Variants in MLC1 observed in about 807,000 individuals in gnomAD.
MLC1 encodes modulator of VRAC current 1.
Under a neutral mutation model 44.7 loss-of-function variants are expected in MLC1, and 32 were observed. That is an observed-to-expected ratio of 0.72 (90% CI 0.54 to 0.96). MLC1 has a LOEUF of 0.96. Among genes scored for constraint, MLC1 ranks in the 40% least tolerant of loss-of-function variants. The pLI is 0.00. For synonymous variants in MLC1, 190 were observed against 213.0 expected (o/e 0.89, Z 0.94); for missense variants, 459 against 492.2 (o/e 0.93, Z 0.64).
In MLC1 at chr22:50,079,009, C is replaced by T. The variant is rs76250491; in HGVS notation, c.423+909G>A. ...TAATAAAGAAGCGTCACAGGCCGGGCGCGGTGGCTCATACCTGTAATCCCA... is the reference window on the plus strand; with the variant it reads ...TAATAAAGAAGCGTCACAGGCCGGGTGCGGTGGCTCATACCTGTAATCCCA... On this transcript the variant is annotated intron_variant, in intron 5 of 11. Coordinates refer to ENST00000311597, the MANE Select transcript of MLC1 (RefSeq NM_015166.4). Among the ~76,000 whole-genome samples the T allele has an allele frequency of 7.0e-3, 1,066 of 151,862 alleles. 13 individuals are homozygous for T. Among genetic ancestry groups the T allele is most frequent in the African/African-American group, 0.024 (982 of 41,420 alleles).
chr22:50,069,364 T>C (rs993179262), intron 9 of MLC1, among the ~76,000 whole-genome samples: 4 of 151,762 alleles, frequency 2.6e-5, no homozygotes, highest in African/African-American at 9.7e-5. Flanking sequence ...ATACTTACCA[T>C]CTAGGCAAGG....
rs1247310057 is a variant in MLC1, at chr22:50,083,171, G to A, written c.180C>T (p.Ser60=). ...KTWVFSVLMG[S]CLLVTSGFSL... ...AAAACCCCGAGGTCACCAGGAGGCA[G>A]CTCTGCAAGACAGCGACAGAATCCC... Residue 60 remains serine (S), a splice_region_variant and synonymous_variant, in exon 3 of 12, where the codon AGC becomes AGT. Transcript: ENST00000311597. This position sits in a 1 kb window ranked among gnomAD's most constrained non-coding sequence, Gnocchi z 4.6. The A allele has an allele frequency of 6.2e-7, 1 of 1,613,924 alleles. No homozygotes were observed. Among genetic ancestry groups the A allele is most frequent in the Non-Finnish European group, 8.5e-7 (1 of 1,179,868 alleles).
intron 5 of MLC1, among the ~76,000 whole-genome samples, chr22:50,078,358 C>T (rs1430009578): frequency 6.6e-6 from 1 of 152,050 alleles, no homozygotes; most frequent in Admixed American, 6.6e-5. Flanking sequence ...AACAGAGCCT[C>T]GAAATATATG....
intron 11 of MLC1, among the ~76,000 whole-genome samples, chr22:50,063,684 A>C (rs1438686918): frequency 1.6e-4 from 14 of 87,678 alleles, no homozygotes; most frequent in South Asian, 1.3e-3. Context: ...CACCCCTGAA[A>C]CCCACAGGCC....
chr22:50,063,670 C>G (rs1191311384), intron 11 of MLC1, among the ~76,000 whole-genome samples: 1 of 150,692 alleles, frequency 6.6e-6, no homozygotes, highest in African/African-American at 2.4e-5. Context: ...ACTCACCTCC[C>G]CAGCACCCCT....
chr22:50,083,208 C>A lies in MLC1; in HGVS notation c.178-35G>T. 6.3e-7 allele frequency: 1 copy of A among 1,576,892 alleles called. No individual in the cohort carries two copies. The highest frequency in any genetic ancestry group is 8.7e-7 in the Non-Finnish European group (1 of 1,146,482). The stretch of plus-strand genomic sequence containing the variant: ...AGCGACAGAATCCCAGGTTACAACG[C>A]GCCCCGTCCCCAGGCTGGACCCTGA... On this transcript the variant is annotated intron_variant, in intron 2 of 11. Coordinates refer to ENST00000311597, the MANE Select transcript of MLC1 (RefSeq NM_015166.4). The surrounding 1 kb of genome is among the most constrained non-coding windows in gnomAD (Gnocchi z 4.6).
chr22:50,074,530 C>T (rs1044920955), intron 7 of MLC1, 198 bp from the exon 8 acceptor site: 11 of 616,208 alleles, frequency 1.8e-5, no homozygotes, highest in Non-Finnish European at 2.6e-5. Context: ...CGGCTTTTCA[C>T]GTCCCTCCTG....
At chr22:50,066,463 C>T (rs1213336343) in intron 10 of MLC1, among the ~76,000 whole-genome samples, 1 of 152,202 alleles carries the variant, frequency 6.6e-6, no homozygotes, top group African/African-American at 2.4e-5. Flanking sequence ...AGTTCAAGAC[C>T]AGCCTGGCCA....
chr22:50,076,076 C>T lies in MLC1; in HGVS notation c.597+765G>A, dbSNP rs185057413. On this transcript the variant is annotated intron_variant, in intron 7 of 11. Coordinates refer to ENST00000311597, the MANE Select transcript of MLC1 (RefSeq NM_015166.4). ...AGGGAAGGAGGGAAAAAGGCAAAAT[C>T]AGGGAAAATGGAAAACTCAAAAGAT... Among the ~76,000 whole-genome samples, 195 of 152,194 alleles carry T rather than the reference C, an allele frequency of 1.3e-3. 1 individual carries two copies. The highest frequency in any genetic ancestry group is 0.01 in the Middle Eastern group (3 of 294).
intron 11 of MLC1, among the ~76,000 whole-genome samples, chr22:50,063,491 GAAAA>G: frequency 7.3e-6 from 1 of 137,900 alleles, no homozygotes; most frequent in Non-Finnish European, 1.6e-5. Context: ...AAAAAAAAAA[GAAAA>G]GAAAGACATT....
intron 7 of MLC1, among the ~76,000 whole-genome samples, chr22:50,074,959 G>A (rs113211226): frequency 2.0e-5 from 3 of 152,246 alleles, no homozygotes; most frequent in Non-Finnish European, 2.9e-5. Flanking sequence ...GGCACCTGCC[G>A]GTTGGAGAGC....
rs281875312 is a variant in MLC1, at chr22:50,070,565, C to G, written c.733G>C (p.Ala245Pro). The G allele has an allele frequency of 6.4e-7, 1 of 1,565,248 alleles. No homozygotes were observed. The highest frequency in any genetic ancestry group is 8.7e-7 in the Non-Finnish European group (1 of 1,154,054). The stretch of plus-strand genomic sequence containing the variant: ...GGACACTCTGCTGCCACATGACTGG[C>G]AATGGCACTTGGAAAGCACTAAGAG... ...ILVACFPSAI[A>P]SHVAAECPSK... is the part of the protein sequence containing the mutation. The change falls in exon 9 of 12, where the codon GCC (alanine) becomes CCC (proline). Residue 245 changes from alanine to proline, a missense_variant. Physicochemically the swap from Ala to Pro is conservative, Grantham distance 27. Coordinates refer to ENST00000311597, the MANE Select transcript of MLC1 (RefSeq NM_015166.4).
chr22:50,083,252 A>G lies in MLC1; in HGVS notation c.178-79T>C, dbSNP rs1257026403. 3.0e-6 allele frequency: 4 copies of G among 1,312,566 alleles called. No homozygotes were observed. The Admixed American group carries it at 5.2e-5, about 17-fold the overall frequency. 81.3% of individuals were successfully genotyped at this position (1,312,566 alleles called of 1,614,324 possible). On this transcript the variant is annotated intron_variant, in intron 2 of 11. Coordinates refer to ENST00000311597, the MANE Select transcript of MLC1 (RefSeq NM_015166.4). The surrounding 1 kb of genome is among the most constrained non-coding windows in gnomAD (Gnocchi z 4.6). ...ACCCTGACCCTTCAACTTCTGCTTC[A>G]CTGTCTGTGTATTGGTGACTCACCC...
At position 50,068,729 on chromosome 22, in the gene MLC1, T is replaced by C. The variant is rs374655164; in HGVS notation, c.772-174A>G. On this transcript the variant is annotated intron_variant, in intron 9 of 11. Transcript: ENST00000311597. ...TGCCTTTTCTTTTTTCTTTTTCTTTTTTTTTTTTTTTTTTTTTGAGACAAG... is the reference window on the plus strand; with the variant it reads ...TGCCTTTTCTTTTTTCTTTTTCTTTCTTTTTTTTTTTTTTTTTGAGACAAG... Among the ~76,000 whole-genome samples, 401 of 114,356 alleles carry C rather than the reference T, an allele frequency of 3.5e-3. 4 individuals are homozygous for C. The highest frequency in any genetic ancestry group is 0.012 in the African/African-American group (352 of 30,382). The allele number at this position is 114,356 out of a possible 152,430, so 75.0% of individuals were successfully genotyped here.
Position 50,059,984 on chromosome 22 carries a change from C to T in MLC1, c.*1599G>A, listed in dbSNP as rs2146727527. 1 of 152,430 alleles carries T rather than the reference C, an allele frequency of 6.6e-6. No homozygotes were observed. Among genetic ancestry groups the T allele is most frequent in the African/African-American group, 2.4e-5 (1 of 41,578 alleles). 9.4% of individuals were successfully genotyped at this position (152,430 alleles called of 1,614,324 possible). A position where few individuals can be genotyped will look rare whatever the true frequency, so the allele number is the denominator to read the frequency against. On this transcript the variant is annotated 3_prime_UTR_variant, in exon 12 of 12. Transcript: ENST00000311597. ...GCAGTGGGAAACCTGGGAGGGTCCTCAAACCCCCTGGCAGGGTCTGCAGGC... is the reference window on the plus strand; with the variant it reads ...GCAGTGGGAAACCTGGGAGGGTCCTTAAACCCCCTGGCAGGGTCTGCAGGC...
At chr22:50,065,735 G>A (rs1261952478) in intron 10 of MLC1, among the ~76,000 whole-genome samples, 2 of 152,240 alleles carry the variant, frequency 1.3e-5, no homozygotes, top group African/African-American at 2.4e-5. Flanking sequence ...TTGGCAGGAG[G>A]GAAGGTGGAC....
intron 9 of MLC1, among the ~76,000 whole-genome samples, chr22:50,070,306 C>T (rs527953283): frequency 1.3e-5 from 2 of 152,366 alleles, no homozygotes; most frequent in South Asian, 2.1e-4. Flanking sequence ...CCAGTGTCTA[C>T]ACCACCTTGT....
At chr22:50,075,138 C>A (rs56114327) in intron 7 of MLC1, among the ~76,000 whole-genome samples, 7 of 148,286 alleles carry the variant, frequency 4.7e-5, no homozygotes, top group South Asian at 2.1e-4. Context: ...AGGGAGGGGC[C>A]GCAACCAGCA....
chr22:50,062,549 G>T (rs1156556920), intron 11 of MLC1, among the ~76,000 whole-genome samples: 2 of 152,280 alleles, frequency 1.3e-5, no homozygotes, highest in African/African-American at 4.8e-5. Flanking sequence ...TGGAGGGTGG[G>T]GGCGACGGGG....
Sources: allele counts gnomAD v4.1 joint callset (sites outside exome capture counted in the v4.1 genomes callset), GRCh38; gene constraint gnomAD v4.1.1; non-coding constraint Gnocchi (gnomAD v3.1); transcripts MANE v1.5; gene names NCBI Gene and HGNC (gene_info 2026-07-23, HGNC 2026-07-21).